The following DOCK11 variants were observed in gnomAD, a reference collection of about 807,000 sequenced individuals.
DOCK11 encodes dedicator of cytokinesis protein 11.
A neutral mutation model predicts 169.1 loss-of-function variants in DOCK11; 70 were observed. The observed-to-expected ratio is 0.41, with a 90% confidence interval of 0.34 to 0.51. The LOEUF (loss-of-function observed/expected upper bound fraction) is 0.51. Among genes scored for constraint, DOCK11 ranks in the 20% least tolerant of loss-of-function variants. DOCK11 has a pLI of 0.10. For synonymous variants in DOCK11, 529 were observed against 541.3 expected (o/e 0.98, Z 0.32); for missense variants, 1,166 against 1,538.8 (o/e 0.76, Z 4.05).
intron 10 of DOCK11, chrX:118,569,562 T>A (rs1031921831): frequency 5.4e-5 from 6 of 111,820 alleles, no homozygotes; most frequent in African/African-American, 1.3e-4. Flanking sequence ...TAATTAAAAA[T>A]TTAGTTTAAA....
Position 118,676,599 on chromosome X carries a change from TGAA to T in DOCK11, c.5331_5333del (p.Glu1777del). ...GTTTAACTTTATAATAGTCTTTTTT[TGAA>T]GAAGAAGATGGAAAGGAGTACATCT... On this transcript the variant is annotated inframe_deletion, in exon 48 of 53. Coordinates refer to ENST00000276202, the MANE Select transcript of DOCK11 (RefSeq NM_144658.4). The T allele has an allele frequency of 8.8e-7, 1 of 1,141,895 alleles. No homozygotes were observed. The highest frequency in any genetic ancestry group is 1.2e-6 in the Non-Finnish European group (1 of 852,317). The allele number at this position is 1,141,895 out of a possible 1,213,427, so 94.1% of individuals were successfully genotyped here.
chrX:118,506,921 C>CA (rs898786573), intron 1 of DOCK11, among the ~76,000 whole-genome samples: 10 of 110,251 alleles, frequency 9.1e-5, no homozygotes, highest in African/African-American at 3.3e-4. Flanking sequence ...CCCGTCTTTC[C>CA]AAAAAAATAA....
intron 44 of DOCK11, among the ~76,000 whole-genome samples, chrX:118,656,250 G>A (rs2016064590): frequency 9.7e-6 from 1 of 103,469 alleles, no homozygotes; most frequent in Non-Finnish European, 2.1e-5. Flanking sequence ...GACAGGACAA[G>A]ACCCTGTCTC....
In DOCK11 at chrX:118,608,131, C is replaced by T. The variant is rs749506433; in HGVS notation, c.2741C>T (p.Ser914Leu). 43 of 1,202,284 alleles carry T rather than the reference C, an allele frequency of 3.6e-5. No homozygotes were observed. In the Admixed American group the frequency reaches 3.8e-4, roughly 11 times the overall value. Residue 914 changes from serine (S) to leucine (L), a missense_variant, in exon 25 of 53, where the codon TCA becomes TTA. Transcript: ENST00000276202. The stretch of plus-strand genomic sequence containing the variant: ...GAAGGCTTGGATAGTTATCTAAGAT[C>T]ATTCATAAAGGTTTGTGGAGTAAAG... ...HEEGLDSYLR[S>L]FIKYSFRPEK...
chrX:118,654,293 A>G lies in DOCK11; in HGVS notation c.4696-309A>G, dbSNP rs761731787. 3.6e-5 allele frequency among the ~76,000 whole-genome samples: 4 copies of G among 112,368 alleles called. No individual in the cohort carries two copies. In the East Asian group the frequency reaches 1.1e-3, roughly 31 times the overall value. Reference sequence around the variant, plus strand: ...TTAGTTACTGTTACAAGAAAACGGCAAACAAAGATCACTCCCATGGCTGTG... The same window carrying G: ...TTAGTTACTGTTACAAGAAAACGGCGAACAAAGATCACTCCCATGGCTGTG... On this transcript the variant is annotated intron_variant, in intron 42 of 52. Coordinates refer to ENST00000276202, the MANE Select transcript of DOCK11 (RefSeq NM_144658.4).
At chrX:118,575,941 C>T (rs1354187881) in intron 12 of DOCK11, among the ~76,000 whole-genome samples, 1 of 111,601 alleles carries the variant, frequency 9.0e-6, no homozygotes, top group Non-Finnish European at 1.9e-5. Flanking sequence ...TAAAAAAGAT[C>T]TCCTGTGTGC....
At chrX:118,614,844 C>G in intron 29 of DOCK11, 69 bp downstream of exon 29, 1 of 766,873 alleles carries the variant, frequency 1.3e-6, no homozygotes, top group Non-Finnish European at 2.0e-6. Context: ...GACATTTATT[C>G]TCTTCTAGGG....
intron 19 of DOCK11, among the ~76,000 whole-genome samples, chrX:118,591,138 C>G (rs771324524): frequency 1.8e-5 from 2 of 112,223 alleles, no homozygotes; most frequent in Non-Finnish European, 3.8e-5. Context: ...TGGTCTGAAA[C>G]CATCCCCCCG....
intron 44 of DOCK11, among the ~76,000 whole-genome samples, chrX:118,659,970 G>T (rs1278165157): frequency 9.0e-6 from 1 of 111,484 alleles, no homozygotes; most frequent in African/African-American, 3.3e-5. Context: ...CCCAGTCATG[G>T]ACCTAGCTGC....
rs999768782 is a variant in DOCK11, at chrX:118,605,417, T to C, written c.2681+61T>C. The C allele has an allele frequency of 3.6e-5, 30 of 839,014 alleles. No individual in the cohort carries two copies. In the Admixed American group the frequency reaches 3.7e-4, roughly 10 times the overall value. 69.1% of individuals were successfully genotyped at this position (839,014 alleles called of 1,213,427 possible). A position where few individuals can be genotyped will look rare whatever the true frequency, so the allele number is the denominator to read the frequency against. The stretch of plus-strand genomic sequence containing the variant: ...ATTTGAGATCTTTCTTATTTTTTAA[T>C]GGAGGTATTCATTACTATAAACTTC... On this transcript the variant is annotated intron_variant, in intron 24 of 52. Transcript: ENST00000276202.
rs1265009592 is a variant in DOCK11, at chrX:118,680,787, T to C, written c.5671+95T>C. 3.8e-5 allele frequency: 29 copies of C among 766,916 alleles called. No homozygotes were observed. In the East Asian group the frequency reaches 9.2e-4, roughly 24 times the overall value. 63.2% of individuals were successfully genotyped at this position (766,916 alleles called of 1,213,427 possible). On this transcript the variant is annotated intron_variant, in intron 49 of 52. Transcript: ENST00000276202. ...GCCAGCTGGAACATACAACTGAAATTTTAATTATTATTTGTTCTGCTGTTC... is the reference window on the plus strand; with the variant it reads ...GCCAGCTGGAACATACAACTGAAATCTTAATTATTATTTGTTCTGCTGTTC...
rs940158373 is a variant in DOCK11 at position 118,654,219 on chromosome X, C to T, written c.4696-383C>T. ...CATAGGGTTGTCGTAAAAATTAAAA[C>T]ATGTAAAGAACCCAGACTAGTGCTT... On this transcript the variant is annotated intron_variant, in intron 42 of 52. Coordinates refer to ENST00000276202, the MANE Select transcript of DOCK11 (RefSeq NM_144658.4). 2.7e-5 allele frequency among the ~76,000 whole-genome samples: 3 copies of T among 112,270 alleles called. No homozygotes were observed. The South Asian group carries it at 1.1e-3, about 41-fold the overall frequency.
intron 30 of DOCK11, 113 bp downstream of exon 30, chrX:118,615,824 T>C (rs1259120044): frequency 3.5e-6 from 2 of 563,476 alleles, no homozygotes; most frequent in African/African-American, 4.7e-5. Context: ...AATTTCAGAA[T>C]TGTTACTATC....
intron 4 of DOCK11, among the ~76,000 whole-genome samples, chrX:118,544,808 C>A (rs945421055): frequency 2.9e-5 from 3 of 105,020 alleles, no homozygotes; most frequent in Admixed American, 1.0e-4. Context: ...TTACAGGCAC[C>A]CGCCATCACC....
At chrX:118,678,229 A>G (rs1224315582) in intron 48 of DOCK11, among the ~76,000 whole-genome samples, 1 of 112,556 alleles carries the variant, frequency 8.9e-6, no homozygotes, top group Non-Finnish European at 1.9e-5. Context: ...CCTTGGACCC[A>G]ACAATTTCAC....
chrX:118,572,643 TA>T (rs1200864457), intron 11 of DOCK11, among the ~76,000 whole-genome samples, 180 bp downstream of exon 11: 1 of 111,939 alleles, frequency 8.9e-6, no homozygotes, highest in Non-Finnish European at 1.9e-5. Flanking sequence ...CTTATTACAA[TA>T]AAAAAATGAA....
chrX:118,507,782 C>T (rs2057624205), intron 1 of DOCK11, among the ~76,000 whole-genome samples: 1 of 112,028 alleles, frequency 8.9e-6, no homozygotes, highest in Admixed American at 9.5e-5. Context: ...GTCATCACCC[C>T]TCTTCTGTAA....
At chrX:118,671,241 G>A in intron 46 of DOCK11, 96 bp downstream of exon 46, 1 of 798,019 alleles carries the variant, frequency 1.3e-6, no homozygotes, top group Non-Finnish European at 1.8e-6. Context: ...TTCGACTTGT[G>A]TCCTCTGAAG....
At chrX:118,574,281 C>T (rs2013376784) in intron 12 of DOCK11, among the ~76,000 whole-genome samples, 1 of 111,784 alleles carries the variant, frequency 8.9e-6, no homozygotes, top group African/African-American at 3.3e-5. Context: ...GAAAGCTGAA[C>T]CAGGCCAGGC....
Sources: gnomAD v4.1 joint callset for allele counts (sites outside exome capture counted in the v4.1 genomes callset) on GRCh38, gnomAD v4.1.1 for gene constraint, MANE v1.5 for transcripts, NCBI Gene and HGNC (gene_info 2026-07-23, HGNC 2026-07-21) for gene names.